SYNPO2: variants seen among roughly 807,000 people sequenced by gnomAD.
The protein encoded by SYNPO2 is synaptopodin 2, also known as synaptopodin-2.
A neutral mutation model predicts 85.0 loss-of-function variants in SYNPO2; 56 were observed. The ratio of observed to expected loss-of-function variants is 0.66; its 90% CI spans 0.53 to 0.82. The LOEUF (loss-of-function observed/expected upper bound fraction) is 0.82, where lower values mean the gene tolerates loss of function less well. SYNPO2 is among the 40% of genes least tolerant of loss of function. The probability of loss-of-function intolerance (pLI) is 0.00; values close to 1 mark genes in which losing one functional copy is unlikely to be tolerated. For missense variants in SYNPO2, 1,575 were observed against 1,534.2 expected, an observed-to-expected ratio of 1.03 and a Z score of -0.44; for synonymous variants, 602 against 591.1, an observed-to-expected ratio of 1.02 and a Z score of -0.27.
intron 1 of SYNPO2, among the ~76,000 whole-genome samples, chr4:119,020,685 C>G (rs990106375): frequency 1.3e-5 from 2 of 152,016 alleles, no homozygotes; most frequent in African/African-American, 4.8e-5. Flanking sequence ...ATATCTGACT[C>G]CATTGAATGA....
chr4:118,997,052 A>G (rs1219871888), intron 1 of SYNPO2, among the ~76,000 whole-genome samples: 1 of 151,472 alleles, frequency 6.6e-6, no homozygotes, highest in Non-Finnish European at 1.5e-5. Flanking sequence ...CATCCCGGCT[A>G]AAACGGTGAA....
chr4:118,962,867 G>A (rs570401182), intron 1 of SYNPO2, among the ~76,000 whole-genome samples: 2 of 152,282 alleles, frequency 1.3e-5, no homozygotes, highest in South Asian at 4.1e-4. Flanking sequence ...TGGCCTTGGG[G>A]AATGCAAACT....
intron 1 of SYNPO2, among the ~76,000 whole-genome samples, chr4:118,954,241 C>T (rs1444831307): frequency 1.3e-5 from 2 of 152,188 alleles, no homozygotes; most frequent in Non-Finnish European, 2.9e-5. Context: ...CAAAAAGTCA[C>T]TTAAAACACT....
Position 119,029,735 on chromosome 4 carries a change from C to T in SYNPO2, c.1070-110C>T, listed in dbSNP as rs548966519. On this transcript the variant is annotated intron_variant, in intron 3 of 4. Transcript: ENST00000307142. ...TCCTTCAAAATTCTGTACTCAATGG[C>T]AATTTTTTACATATTTATTTTCCCC... 7 of 1,243,040 alleles carry T rather than the reference C, an allele frequency of 5.6e-6. No individual in the cohort carries two copies. In the East Asian group the frequency reaches 1.7e-4, roughly 30 times the overall value. The allele number at this position is 1,243,040 out of a possible 1,614,324, so 77.0% of individuals were successfully genotyped here.
chr4:119,059,269 T>C lies in SYNPO2; in HGVS notation c.*1335T>C, dbSNP rs927746383. ...ACGATTGATGGATTTAAGGAAGTGG[T>C]ACATAAATATGTCTGTTATTATGCA... On this transcript the variant is annotated 3_prime_UTR_variant, in exon 5 of 5. Coordinates refer to ENST00000307142, the MANE Select transcript of SYNPO2 (RefSeq NM_133477.3). 1.3e-5 allele frequency: 2 copies of C among 152,206 alleles called. No individual in the cohort carries two copies. Among genetic ancestry groups the C allele is most frequent in the African/African-American group, 4.8e-5 (2 of 41,454 alleles). 9.4% of individuals were successfully genotyped at this position (152,206 alleles called of 1,614,324 possible).
At chr4:118,921,526 T>C (rs1380111702) in intron 1 of SYNPO2, among the ~76,000 whole-genome samples, 2 of 152,014 alleles carry the variant, frequency 1.3e-5, no homozygotes, top group Non-Finnish European at 2.9e-5. Flanking sequence ...GGTGGGAGAA[T>C]CACTTAAGAC....
intron 1 of SYNPO2, among the ~76,000 whole-genome samples, chr4:118,973,150 T>G (rs1735597895): frequency 2.0e-5 from 3 of 152,190 alleles, no homozygotes; most frequent in Non-Finnish European, 4.4e-5. Flanking sequence ...TTTGAGTAAG[T>G]CAGAATTATA....
Position 119,058,903 on chromosome 4 carries a change from G to A in SYNPO2, c.*969G>A, listed in dbSNP as rs1331692044. On this transcript the variant is annotated 3_prime_UTR_variant, in exon 5 of 5. Coordinates refer to ENST00000307142, the MANE Select transcript of SYNPO2 (RefSeq NM_133477.3). ...TTACACATTTTGGAAGGACTTTTGA[G>A]GAATGATGTGATGTGTAGAGAATAG... 1 of 152,156 alleles carries A rather than the reference G, an allele frequency of 6.6e-6. No homozygotes were observed. Among genetic ancestry groups the A allele is most frequent in the Non-Finnish European group, 1.5e-5 (1 of 68,044 alleles). 9.4% of individuals were successfully genotyped at this position (152,156 alleles called of 1,614,324 possible). A position where few individuals can be genotyped will look rare whatever the true frequency, so the allele number is the denominator to read the frequency against.
intron 3 of SYNPO2, among the ~76,000 whole-genome samples, chr4:119,028,205 C>A (rs903056736): frequency 6.8e-6 from 1 of 146,294 alleles, no homozygotes; most frequent in African/African-American, 2.5e-5. Context: ...TGTTTTATTT[C>A]ACGTTTATTT....
chr4:119,037,547 C>T lies in SYNPO2; in HGVS notation c.3252+5520C>T, dbSNP rs928899657. 1.2e-5 allele frequency: 12 copies of T among 991,844 alleles called. No individual in the cohort carries two copies. The African/African-American group carries it at 1.2e-4, about 10-fold the overall frequency. 61.4% of individuals were successfully genotyped at this position (991,844 alleles called of 1,614,324 possible). A position where few individuals can be genotyped will look rare whatever the true frequency, so the allele number is the denominator to read the frequency against. ...TGCAATAATCAAGGCCATGCAACAA[C>T]CCAAAATCAAGCATTTTGGTTCAAG... On this transcript the variant is annotated intron_variant, in intron 4 of 4. Transcript: ENST00000307142.
At chr4:119,046,266 G>C (rs1738864865) in intron 4 of SYNPO2, among the ~76,000 whole-genome samples, 1 of 152,114 alleles carries the variant, frequency 6.6e-6, no homozygotes, top group Admixed American at 6.5e-5. Context: ...CTTCATGTTG[G>C]TCTTCTCGAC....
chr4:119,028,578 T>C (rs753933542), intron 3 of SYNPO2, among the ~76,000 whole-genome samples: 5 of 152,196 alleles, frequency 3.3e-5, no homozygotes, highest in African/African-American at 1.2e-4. Context: ...ATAAGTTGTA[T>C]AACACTAGTC....
chr4:119,051,079 C>A (rs957354787), intron 4 of SYNPO2, among the ~76,000 whole-genome samples: 1 of 150,848 alleles, frequency 6.6e-6, no homozygotes, highest in Non-Finnish European at 1.5e-5. Flanking sequence ...TAAAGATATT[C>A]AAGGAGGGTG....
intron 1 of SYNPO2, among the ~76,000 whole-genome samples, chr4:118,933,751 T>G (rs1475941031): frequency 6.6e-6 from 1 of 151,690 alleles, no homozygotes. Context: ...ATTTAAGCAG[T>G]TAATATAATC....
chr4:118,974,002 G>A (rs1005859278), intron 1 of SYNPO2, among the ~76,000 whole-genome samples: 7 of 152,184 alleles, frequency 4.6e-5, no homozygotes, highest in African/African-American at 1.7e-4. Context: ...TTATACAGCT[G>A]AGGACGCTGA....
intron 1 of SYNPO2, among the ~76,000 whole-genome samples, chr4:118,900,741 GTCTATCTATCTATCTA>G (rs200026031): frequency 3.6e-4 from 31 of 86,298 alleles, no homozygotes; most frequent in African/African-American, 9.9e-4. Context: ...ATGTCTGTCT[GTCTATCTATCTATCTA>G]TCTATCTATC....
At chr4:118,888,087 A>C (rs1198311389), upstream of SYNPO2, among the ~76,000 whole-genome samples, 1 of 152,214 alleles carries the variant, frequency 6.6e-6, no homozygotes, top group African/African-American at 2.4e-5. Flanking sequence ...CTATAAAAAT[A>C]AGAAACCTGT....
intron 1 of SYNPO2, among the ~76,000 whole-genome samples, chr4:119,012,203 A>G (rs940612655): frequency 6.6e-6 from 1 of 151,992 alleles, no homozygotes; most frequent in Admixed American, 6.6e-5. Context: ...GATTATAGGC[A>G]TGAACCACTG....
chr4:118,916,949 G>T (rs1733357123), intron 1 of SYNPO2, among the ~76,000 whole-genome samples: 1 of 151,814 alleles, frequency 6.6e-6, no homozygotes, highest in African/African-American at 2.4e-5. Context: ...TGTCCAGGCT[G>T]GTCTCCAGCC....
Sources: gnomAD v4.1 joint callset for allele counts (sites outside exome capture counted in the v4.1 genomes callset) on GRCh38, gnomAD v4.1.1 for gene constraint, MANE v1.5 for transcripts, NCBI Gene and HGNC (gene_info 2026-07-23, HGNC 2026-07-21) for gene names.